Variants in CMIP observed in about 807,000 individuals in gnomAD.
The protein encoded by CMIP is C-Maf-inducing protein.
Under a neutral mutation model 97.3 loss-of-function variants are expected in CMIP, and 13 were observed. That is an observed-to-expected ratio of 0.13 (90% CI 0.09 to 0.21). The LOEUF is 0.21. CMIP is among the 10% of genes least tolerant of loss of function. The pLI is 1.00. For missense variants in CMIP, 847 were observed against 1,024.9 expected, an observed-to-expected ratio of 0.83 and a Z score of 2.37; for synonymous variants, 538 against 436.3, an observed-to-expected ratio of 1.23 and a Z score of -2.91.
chr16:81,642,188 T>G (rs2092314218), intron 3 of CMIP, among the ~76,000 whole-genome samples: 1 of 152,182 alleles, frequency 6.6e-6, no homozygotes, highest in Non-Finnish European at 1.5e-5. Context: ...GCCCTTGATA[T>G]GTAGTAGCCA....
At chr16:81,497,622 G>A (rs1049829609) in intron 1 of CMIP, among the ~76,000 whole-genome samples, 26 of 152,260 alleles carry the variant, frequency 1.7e-4, no homozygotes, top group African/African-American at 6.3e-4. Flanking sequence ...CGGCAGACTG[G>A]CTCTCCGAGG....
intron 10 of CMIP, among the ~76,000 whole-genome samples, chr16:81,684,413 G>C (rs867752995): frequency 6.6e-6 from 1 of 152,218 alleles, no homozygotes; most frequent in Admixed American, 6.5e-5. Flanking sequence ...AGGCCGCCAC[G>C]TTCTGCCCGT....
rs151129290 is a variant in CMIP, at chr16:81,601,830, G to A, written c.301-5737G>A. ...CCTTGCGGGCACTCAGTTAGCGAGC[G>A]GTCCCACCAAACCTACCTGGGTTCG... is the stretch of plus-strand genomic sequence containing the variant. On this transcript the variant is annotated intron_variant, in intron 1 of 20. Transcript: ENST00000537098. Among the ~76,000 whole-genome samples, 19 of 152,262 alleles carry A rather than the reference G, an allele frequency of 1.2e-4. No individual in the cohort carries two copies. The East Asian group carries it at 2.3e-3, about 19-fold the overall frequency.
chr16:81,500,421 C>A (rs2089585740), intron 1 of CMIP, among the ~76,000 whole-genome samples: 1 of 131,354 alleles, frequency 7.6e-6, no homozygotes, highest in Non-Finnish European at 1.6e-5. Context: ...CTCCTCCCTC[C>A]CCTCCCTCCC....
At chr16:81,635,912 T>C (rs1405235939) in intron 3 of CMIP, among the ~76,000 whole-genome samples, 2 of 151,860 alleles carry the variant, frequency 1.3e-5, no homozygotes, top group Non-Finnish European at 2.9e-5. Flanking sequence ...GACCCCGATA[T>C]ATAACATAGT....
chr16:81,704,939 G>T (rs1312631647), intron 18 of CMIP, among the ~76,000 whole-genome samples: 1 of 151,870 alleles, frequency 6.6e-6, no homozygotes, highest in East Asian at 2.0e-4. Flanking sequence ...GGCTTCGCTG[G>T]CCTGCGGGGG....
At chr16:81,682,158 T>C (rs1013317103) in intron 10 of CMIP, among the ~76,000 whole-genome samples, 4 of 149,906 alleles carry the variant, frequency 2.7e-5, no homozygotes, top group Admixed American at 6.7e-5. Flanking sequence ...GATCCACGAT[T>C]GCACTGCTGC....
At chr16:81,601,296 G>T (rs1364087938) in intron 1 of CMIP, among the ~76,000 whole-genome samples, 3 of 152,168 alleles carry the variant, frequency 2.0e-5, no homozygotes, top group Non-Finnish European at 4.4e-5. Flanking sequence ...ACTTTGAGAG[G>T]AATCCCCATG....
At chr16:81,481,014 G>A (rs186336599) in intron 1 of CMIP, among the ~76,000 whole-genome samples, 1 of 152,324 alleles carries the variant, frequency 6.6e-6, no homozygotes, top group African/African-American at 2.4e-5. Flanking sequence ...AACTAGTGGT[G>A]GGCCATTGAA....
At position 81,543,630 on chromosome 16, in the gene CMIP, C is replaced by T. The variant is rs181313760; in HGVS notation, c.301-63937C>T. ...TGACCATGGGCTAGTCACTTCCCCC[C>T]GTTCCTCAGTTTCCCCACCTAGAGC... On this transcript the variant is annotated intron_variant, in intron 1 of 20. Transcript: ENST00000537098. 1.2e-3 allele frequency among the ~76,000 whole-genome samples: 185 copies of T among 152,302 alleles called. 1 individual carries two copies. The highest frequency in any genetic ancestry group is 4.1e-3 in the African/African-American group (171 of 41,568).
rs4243208 is a variant in CMIP at position 81,655,360 on chromosome 16, C to T, written c.640-2415C>T. Among the ~76,000 whole-genome samples the T allele has an allele frequency of 0.51, 77,165 of 151,900 alleles. 20,238 individuals carry two copies. Among genetic ancestry groups the T allele is most frequent in the East Asian group, 0.66 (3,393 of 5,160 alleles). On this transcript the variant is annotated intron_variant, in intron 4 of 20. Coordinates refer to ENST00000537098, the MANE Select transcript of CMIP (RefSeq NM_198390.3). This position sits in a 1 kb window ranked among gnomAD's most constrained non-coding sequence, Gnocchi z 4.9. ...CAGAGGGGCATCGTGGAGGGAGCTG[C>T]TAAGGACGCAAAACAGTTCCGAGAA... is the stretch of plus-strand genomic sequence containing the variant.
intron 1 of CMIP, among the ~76,000 whole-genome samples, chr16:81,559,350 C>G (rs1261465630): frequency 2.0e-5 from 3 of 152,170 alleles, no homozygotes; most frequent in Admixed American, 6.5e-5. Flanking sequence ...CCTCATGATT[C>G]TTTTGTGCCT....
chr16:81,634,923 T>G (rs2092215073), intron 3 of CMIP, among the ~76,000 whole-genome samples: 1 of 152,150 alleles, frequency 6.6e-6, no homozygotes, highest in South Asian at 2.1e-4. Context: ...GATGCTACCG[T>G]CTTGAGGCCT....
Position 81,453,815 on chromosome 16 carries a change from G to A in CMIP, c.300+8274G>A, listed in dbSNP as rs1315306363. On this transcript the variant is annotated intron_variant, in intron 1 of 20. Transcript: ENST00000537098. This position sits in a 1 kb window ranked among gnomAD's most constrained non-coding sequence, Gnocchi z 4.0. The stretch of plus-strand genomic sequence containing the variant: ...AGGTCCTTCATTGTCAGGGGGATGG[G>A]GAAAGAGTGAGCACCACAGCCAAGC... Among the ~76,000 whole-genome samples, 2 of 152,204 alleles carry A rather than the reference G, an allele frequency of 1.3e-5. No individual in the cohort carries two copies. Among genetic ancestry groups the A allele is most frequent in the Non-Finnish European group, 2.9e-5 (2 of 68,028 alleles).
chr16:81,624,342 C>G (rs1237621825), intron 3 of CMIP, among the ~76,000 whole-genome samples: 1 of 152,164 alleles, frequency 6.6e-6, no homozygotes, highest in East Asian at 1.9e-4. Flanking sequence ...GGTATATCTC[C>G]TAATGCTATC....
chr16:81,617,678 T>C (rs1178648068), intron 2 of CMIP: 1 of 152,318 alleles, frequency 6.6e-6, no homozygotes, highest in African/African-American at 2.4e-5. Flanking sequence ...GTTTCTGTGT[T>C]CATTCGTTCC....
chr16:81,527,508 A>G (rs1403022783), intron 1 of CMIP, among the ~76,000 whole-genome samples: 2 of 152,230 alleles, frequency 1.3e-5, no homozygotes, highest in South Asian at 2.1e-4. Flanking sequence ...GAACAGCTCC[A>G]TGAATTATCC....
chr16:81,461,056 C>T (rs1906868961), intron 1 of CMIP, among the ~76,000 whole-genome samples: 1 of 152,202 alleles, frequency 6.6e-6, no homozygotes, highest in Admixed American at 6.5e-5. Flanking sequence ...GCGAGGTTAC[C>T]ACGCTTCCTG....
chr16:81,686,406 C>T (rs961000306), intron 10 of CMIP, among the ~76,000 whole-genome samples: 7 of 152,220 alleles, frequency 4.6e-5, no homozygotes, highest in African/African-American at 1.7e-4. Context: ...GGGCCTTCCG[C>T]ACTCAAGCAC....
Sources: gnomAD v4.1 joint callset for allele counts (sites outside exome capture counted in the v4.1 genomes callset) on GRCh38, gnomAD v4.1.1 for gene constraint, Gnocchi (gnomAD v3.1) non-coding constraint, MANE v1.5 for transcripts, NCBI Gene and HGNC (gene_info 2026-07-23, HGNC 2026-07-21) for gene names.